The following MACF1 variants were observed in gnomAD, a reference collection of about 807,000 sequenced individuals.
MACF1 encodes microtubule-actin cross-linking factor 1.
Under a neutral mutation model 854.8 loss-of-function variants are expected in MACF1, and 193 were observed. The ratio of observed to expected loss-of-function variants is 0.23; its 90% CI spans 0.20 to 0.25. The LOEUF (loss-of-function observed/expected upper bound fraction) is 0.25, where lower values mean the gene tolerates loss of function less well. Among genes scored for constraint, MACF1 ranks in the 10% least tolerant of loss-of-function variants. The pLI, the probability that MACF1 is intolerant of heterozygous loss-of-function variation, is 1.00. For missense variants in MACF1, 7,722 were observed against 8,929.1 expected (o/e 0.86, Z 5.45); for synonymous variants, 3,185 against 3,226.7 (o/e 0.99, Z 0.44).
In MACF1 at chr1:39,459,097, A is replaced by T. The variant is rs773361383; in HGVS notation, c.21208A>T (p.Ser7070Cys). The T allele has an allele frequency of 1.2e-6, 2 of 1,611,990 alleles. No homozygotes were observed. The highest frequency in any genetic ancestry group is 1.7e-6 in the Non-Finnish European group (2 of 1,179,390). ...KSRSGGRKSL[S>C]QPTPPPMPIL... ...ATTTTTCCTTTTAGGGAAATCCCTA[A>T]GTCAGCCAACCCCTCCTCCCATGCC... Residue 7070 changes from serine (S) to cysteine (C), a missense_variant, in exon 91 of 101, where the codon AGT becomes TGT. This residue lies in a region of MACF1 where 729 missense variants were observed against 900.5 expected (regional missense o/e 0.81). Transcript: ENST00000564288.
chr1:39,307,373 A>G (rs1646203664), intron 23 of MACF1, among the ~76,000 whole-genome samples: 2 of 151,870 alleles, frequency 1.3e-5, no homozygotes, highest in African/African-American at 4.8e-5. Flanking sequence ...ATCGTTCACC[A>G]CTATCATGAT....
At chr1:39,138,217 A>G (rs993585357) in intron 2 of MACF1, among the ~76,000 whole-genome samples, 1 of 152,152 alleles carries the variant, frequency 6.6e-6, no homozygotes, top group Non-Finnish European at 1.5e-5. Flanking sequence ...ACAACGAATC[A>G]AAACAAAACA....
intron 60 of MACF1, among the ~76,000 whole-genome samples, chr1:39,423,603 C>T (rs1034498449): frequency 2.7e-5 from 4 of 147,578 alleles, no homozygotes; most frequent in Non-Finnish European, 5.9e-5. Context: ...CCAGTGCACT[C>T]CAGCCTGGGA....
intron 88 of MACF1, among the ~76,000 whole-genome samples, chr1:39,454,373 C>A (rs535814700): frequency 6.6e-6 from 1 of 152,102 alleles, no homozygotes; most frequent in East Asian, 1.9e-4. Flanking sequence ...GGGACCAGTC[C>A]CCCATGGATA....
intron 7 of MACF1, among the ~76,000 whole-genome samples, chr1:39,282,879 T>G (rs1645574800): frequency 6.6e-6 from 1 of 152,194 alleles, no homozygotes. Flanking sequence ...ATAGGAATTC[T>G]GAATGACAAA....
intron 2 of MACF1, among the ~76,000 whole-genome samples, chr1:39,176,572 A>T (rs368845586): frequency 6.6e-6 from 1 of 151,630 alleles, no homozygotes; most frequent in African/African-American, 2.4e-5. Context: ...CATTTTAGTC[A>T]TTTTTCTGTA....
At chr1:39,407,749 G>C (rs149208298) in intron 58 of MACF1, among the ~76,000 whole-genome samples, 14 of 152,318 alleles carry the variant, frequency 9.2e-5, no homozygotes, top group African/African-American at 3.4e-4. Context: ...CATACACCAG[G>C]TGTTGGTTTC....
At chr1:39,357,325 G>A in intron 44 of MACF1, 50 bp from the exon 45 acceptor site, 1 of 1,573,156 alleles carries the variant, frequency 6.4e-7, no homozygotes, top group South Asian at 1.2e-5. Flanking sequence ...TCAAATTATT[G>A]TGGATTGCCT....
chr1:39,117,095 T>G (rs11205653), intron 2 of MACF1, among the ~76,000 whole-genome samples: 62,675 of 151,996 alleles, frequency 0.41, 13,692 homozygotes, highest in East Asian at 0.67. Context: ...TTTGTTCTCA[T>G]GACTCAGAGC....
At chr1:39,410,185 A>G (rs953579750) in intron 58 of MACF1, 1 of 1,067,006 alleles carries the variant, frequency 9.4e-7, no homozygotes, top group Non-Finnish European at 1.3e-6. Flanking sequence ...AAAAGGATTT[A>G]TAACTTATGT....
chr1:39,335,285 A>G lies in MACF1; in HGVS notation c.8697A>G (p.Arg2899=). 6.2e-7 allele frequency: 1 copy of G among 1,614,134 alleles called. No homozygotes were observed. The highest frequency in any genetic ancestry group is 8.5e-7 in the Non-Finnish European group (1 of 1,179,996). The change falls in exon 37 of 101, where the codon AGA becomes AGG. Residue 2899 remains arginine (R), a synonymous_variant. Transcript: ENST00000564288. ...ECDFKLKEVA[R]NNMGNDTNEE... ...ATTTTAAACTTAAAGAAGTGGCTAG[A>G]AATAACATGGGAAATGATACAAATG...
chr1:39,191,200 T>TTTC (rs1491465901), intron 2 of MACF1, among the ~76,000 whole-genome samples: 2 of 1,280 alleles, frequency 1.6e-3, no homozygotes, highest in Non-Finnish European at 7.9e-3. Flanking sequence ...TCTTTCTTTC[T>TTTC]TTTTTTTTTT....
intron 2 of MACF1, among the ~76,000 whole-genome samples, chr1:39,179,570 T>C (rs894699563): frequency 6.6e-6 from 1 of 152,154 alleles, no homozygotes; most frequent in Non-Finnish European, 1.5e-5. Context: ...ATTAGAGTTA[T>C]ATATGTAAAG....
intron 97 of MACF1, among the ~76,000 whole-genome samples, chr1:39,469,968 T>G (rs531315483): frequency 6.6e-6 from 1 of 152,184 alleles, no homozygotes; most frequent in South Asian, 2.1e-4. Flanking sequence ...CGTAAATAAT[T>G]TGCCCAAAGA....
intron 71 of MACF1, among the ~76,000 whole-genome samples, chr1:39,439,047 C>T (rs1251632551): frequency 6.7e-6 from 1 of 148,388 alleles, no homozygotes; most frequent in Non-Finnish European, 1.5e-5. Flanking sequence ...TGCGCCACTG[C>T]ACTCCAGCCT....
At chr1:39,095,187 T>A (rs1293580805) in intron 2 of MACF1, among the ~76,000 whole-genome samples, 1 of 152,122 alleles carries the variant, frequency 6.6e-6, no homozygotes, top group Non-Finnish European at 1.5e-5. Flanking sequence ...AGATTCTGCT[T>A]GAATTTTCTA....
chr1:39,463,920 C>A, intron 94 of MACF1: 1 of 388,822 alleles, frequency 2.6e-6, no homozygotes. Flanking sequence ...GGAGATATTT[C>A]AGAGCTGTCA....
chr1:39,345,718 A>C (rs1387558064), intron 40 of MACF1, among the ~76,000 whole-genome samples: 1 of 152,238 alleles, frequency 6.6e-6, no homozygotes, highest in Non-Finnish European at 1.5e-5. Context: ...AACCTAAGAA[A>C]GTACAATTAG....
At chr1:39,450,056 G>A (rs1209238542) in intron 84 of MACF1, among the ~76,000 whole-genome samples, 2 of 151,634 alleles carry the variant, frequency 1.3e-5, no homozygotes, top group Non-Finnish European at 2.9e-5. Flanking sequence ...TAGAGACGGG[G>A]TTTCACCATA....
Sources: gnomAD v4.1 joint callset for allele counts (sites outside exome capture counted in the v4.1 genomes callset) on GRCh38, gnomAD v4.1.1 for gene constraint, gnomAD v4.1.1 regional missense constraint, MANE v1.5 for transcripts, NCBI Gene and HGNC (gene_info 2026-07-23, HGNC 2026-07-21) for gene names.